Variants in RINL observed in about 807,000 individuals in gnomAD.
RINL encodes the protein Ras and Rab interactor like.
RINL carries 39 observed loss-of-function variants against 58.1 expected under a neutral mutation model. The ratio of observed to expected loss-of-function variants is 0.67; its 90% confidence interval spans 0.52 to 0.88. The LOEUF is 0.88. Among genes scored for constraint, RINL ranks in the 40% least tolerant of loss-of-function variants. The pLI is 0.00. For missense variants in RINL, 711 were observed against 749.2 expected (o/e 0.95, Z 0.60); for synonymous variants, 286 against 323.1 (o/e 0.89, Z 1.23).
Position 38,873,952 on chromosome 19 carries a change from G to C in RINL, c.247C>G (p.Leu83Val). Residue 83 changes from leucine (L) to valine (V), a missense_variant, in exon 4 of 12, where the codon CTG (leucine) becomes GTG (valine). Transcript: ENST00000591812. ...LVTGRDPSQA[L>V]VLRSGPLPGE... is the part of the protein sequence containing the mutation. Reference sequence around the variant, plus strand: ...GGTAAAGGTCCTGACCTCAACACCAGGGCCTGGCTGGGGTCACGTCCTGTG... The same window carrying C: ...GGTAAAGGTCCTGACCTCAACACCACGGCCTGGCTGGGGTCACGTCCTGTG... 6.5e-7 allele frequency: 1 copy of C among 1,535,876 alleles called. No individual in the cohort carries two copies.
At position 38,876,059 on chromosome 19, in the gene RINL, A is replaced by AT. The variant is rs5828019; in HGVS notation, c.210+271dup. On this transcript the variant is annotated intron_variant, in intron 3 of 11. Transcript: ENST00000591812. ...AGGATCCAGAGCTTCTTGAAATTAC[A>AT]TTTTTTTTTTTTTTTTTTTAGACAG... Among the ~76,000 whole-genome samples the AT allele has an allele frequency of 3.6e-3, 499 of 138,562 alleles. 3 individuals carry two copies. Among genetic ancestry groups the AT allele is most frequent in the African/African-American group, 8.3e-3 (308 of 37,086 alleles). The allele number at this position is 138,562 out of a possible 152,430, so 90.9% of individuals were successfully genotyped here. A position where few individuals can be genotyped will look rare whatever the true frequency, so the allele number is the denominator to read the frequency against.
chr19:38,871,494 T>G (rs762633168), intron 6 of RINL, 153 bp downstream of exon 6: 233 of 742,568 alleles, frequency 3.1e-4, no homozygotes, highest in Non-Finnish European at 6.1e-5. Flanking sequence ...CTCCTCCCTC[T>G]GGGACTACAA....
rs367928512 is a variant in RINL at position 38,872,133 on chromosome 19, C to A, written c.314-263G>T. ...ACAGTTATCAAAAGGCAGACAAGTT[C>A]ACTGCCTTCCTGTAGCTTACCTTTT... On this transcript the variant is annotated intron_variant, in intron 4 of 11. Transcript: ENST00000591812. Among the ~76,000 whole-genome samples, 38 of 152,244 alleles carry A rather than the reference C, an allele frequency of 2.5e-4. 1 individual carries two copies. The highest frequency in any genetic ancestry group is 9.1e-4 in the African/African-American group (38 of 41,554).
At chr19:38,874,517 G>A (rs1430309890) in intron 3 of RINL, among the ~76,000 whole-genome samples, 3 of 152,128 alleles carry the variant, frequency 2.0e-5, no homozygotes, top group Admixed American at 6.5e-5. Context: ...CAAGTGATCC[G>A]CTCTTCTCAG....
Position 38,871,182 on chromosome 19 carries a change from A to T in RINL, c.497T>A (p.Val166Glu). 6.2e-7 allele frequency: 1 copy of T among 1,613,936 alleles called. No homozygotes were observed. Among genetic ancestry groups the T allele is most frequent in the Non-Finnish European group, 8.5e-7 (1 of 1,179,962 alleles). The change falls in exon 7 of 12, where the codon GTG (valine) becomes GAG (glutamate). Residue 166 changes from valine (V) to glutamate (E), a missense_variant. By Grantham distance (121) the Val-to-Glu change is moderately radical (BLOSUM62 -2). Coordinates refer to ENST00000591812, the MANE Select transcript of RINL (RefSeq NM_001195833.2). ...GTAGAGCTGGTTCACAATGGAAAGCACCTTCCCTGGGGTGTCCTGTTGGAC... is the reference window on the plus strand; with the variant it reads ...GTAGAGCTGGTTCACAATGGAAAGCTCCTTCCCTGGGGTGTCCTGTTGGAC... ...GRVQQDTPGK[V>E]LSIVNQLYLE...
chr19:38,870,650 T>C lies in RINL; in HGVS notation c.944A>G (p.Asp315Gly). 6.2e-7 allele frequency: 1 copy of C among 1,613,606 alleles called. No individual in the cohort carries two copies. Among genetic ancestry groups the C allele is most frequent in the East Asian group, 2.2e-5 (1 of 44,856 alleles). ...DVRHLLTDLQ[D>G]HLAKDSYIRA... is the part of the protein sequence containing the mutation. ...GATGTAGGAGTCCTTTGCCAGGTGATCCTGGAGGTCAGTAAGGAGGTGCCG... is the reference window on the plus strand; with the variant it reads ...GATGTAGGAGTCCTTTGCCAGGTGACCCTGGAGGTCAGTAAGGAGGTGCCG... Residue 315 changes from aspartate to glycine, a missense_variant, in exon 8 of 12, where the codon GAT becomes GGT. Transcript: ENST00000591812. This position sits in a 1 kb window ranked among gnomAD's most constrained non-coding sequence, Gnocchi z 5.8.
chr19:38,871,156 G>A lies in RINL; in HGVS notation c.523C>T (p.Leu175=). The change falls in exon 7 of 12, where the codon CTG becomes TTG. Residue 175 remains leucine (L), a synonymous_variant. Coordinates refer to ENST00000591812, the MANE Select transcript of RINL (RefSeq NM_001195833.2). ...CTCCCCCAGCCTCTGTGGGTCTCCA[G>A]GTAGAGCTGGTTCACAATGGAAAGC... ...KVLSIVNQLY[L]ETHRGWGREQ... 1 of 1,614,028 alleles carries A rather than the reference G, an allele frequency of 6.2e-7. No individual in the cohort carries two copies. Among genetic ancestry groups the A allele is most frequent in the Non-Finnish European group, 8.5e-7 (1 of 1,179,948 alleles).
rs1555730738 is a variant in RINL, at chr19:38,870,198, T to C, written c.1087A>G (p.Thr363Ala). 4.3e-6 allele frequency: 6 copies of C among 1,393,850 alleles called. No homozygotes were observed. Among genetic ancestry groups the C allele is most frequent in the Admixed American group, 3.5e-5 (1 of 28,538 alleles). The allele number at this position is 1,393,850 out of a possible 1,614,324, so 86.3% of individuals were successfully genotyped here. A position where few individuals can be genotyped will look rare whatever the true frequency, so the allele number is the denominator to read the frequency against. Residue 363 changes from threonine (T) to alanine (A), a missense_variant, in exon 9 of 12, where the codon ACA becomes GCA. By Grantham distance (58) the Thr-to-Ala change is moderately conservative. Coordinates refer to ENST00000591812, the MANE Select transcript of RINL (RefSeq NM_001195833.2). This position sits in a 1 kb window ranked among gnomAD's most constrained non-coding sequence, Gnocchi z 5.8. ...VLAPLKPALW[T>A]RLRTLRAPEL... ...GGTGCTCGGAGTGTGCGGAGTCGTG[T>C]CCACAGGGCCGGCTTCAGGGGCGCC...
At chr19:38,875,397 C>T (rs868343377) in intron 3 of RINL, among the ~76,000 whole-genome samples, 8 of 151,436 alleles carry the variant, frequency 5.3e-5, no homozygotes, top group South Asian at 2.1e-4. Context: ...TTATTTTGGC[C>T]GGGGACGGTG....
In RINL at chr19:38,870,305, C is replaced by A; in HGVS notation, c.1025-45G>T. ...GGTGAGCACAGGACCGCCAAGTTGT[C>A]CCACGCCCACCCACGCGCTCCAACA... On this transcript the variant is annotated intron_variant, in intron 8 of 11. Coordinates refer to ENST00000591812, the MANE Select transcript of RINL (RefSeq NM_001195833.2). This position sits in a 1 kb window ranked among gnomAD's most constrained non-coding sequence, Gnocchi z 5.8. 1 of 1,325,626 alleles carries A rather than the reference C, an allele frequency of 7.5e-7. No homozygotes were observed. The highest frequency in any genetic ancestry group is 1.6e-5 in the South Asian group (1 of 61,546). The allele number at this position is 1,325,626 out of a possible 1,614,324, so 82.1% of individuals were successfully genotyped here.
chr19:38,876,059 A>ATTTTTT (rs5828019), intron 3 of RINL, among the ~76,000 whole-genome samples: 1 of 138,584 alleles, frequency 7.2e-6, no homozygotes, highest in African/African-American at 2.7e-5. Flanking sequence ...TTGAAATTAC[A>ATTTTTT]TTTTTTTTTT....
In RINL at chr19:38,869,267, T is replaced by C; in HGVS notation, c.1618A>G (p.Lys540Glu). Residue 540 changes from lysine (K) to glutamate (E), a missense_variant, in exon 11 of 12, where the codon AAG becomes GAG. Transcript: ENST00000591812. The surrounding 1 kb of genome is among the most constrained non-coding windows in gnomAD (Gnocchi z 5.7). ...QWHRRRTLHR[K>E]DHPRAQANLP... ...GTCACCTGGGCTCTGGGATGATCCT[T>C]TCTGTGCAGCGTCCGCCTGCGGTGC... The C allele has an allele frequency of 6.2e-7, 1 of 1,614,090 alleles. No individual in the cohort carries two copies.
chr19:38,871,017 C>T (rs1237226671), intron 7 of RINL, 25 bp from the exon 8 acceptor site: 8 of 1,582,074 alleles, frequency 5.1e-6, no homozygotes, highest in East Asian at 2.2e-5. Flanking sequence ...GGCATTCGGT[C>T]GCCTAGAACA....
At position 38,869,671 on chromosome 19, in the gene RINL, A is replaced by G. The variant is rs147778742; in HGVS notation, c.1376T>C (p.Leu459Pro). ...PLGADAFLPA[L>P]TEELIWSPDI... ...CGGGCTCCAGATGAGTTCCTCGGTC[A>G]GCGCCGGCAGGAAGGCGTCGGCCCC... The change falls in exon 10 of 12, where the codon CTG (leucine) becomes CCG (proline). Residue 459 changes from leucine (L) to proline (P), a missense_variant. Physicochemically the swap from Leu to Pro is moderately conservative, Grantham distance 98. Transcript: ENST00000591812. This position sits in a 1 kb window ranked among gnomAD's most constrained non-coding sequence, Gnocchi z 5.7. 2.5e-6 allele frequency: 4 copies of G among 1,613,784 alleles called. No individual in the cohort carries two copies. The highest frequency in any genetic ancestry group is 2.7e-5 in the African/African-American group (2 of 74,880).
chr19:38,874,358 C>T (rs916770082), intron 3 of RINL, among the ~76,000 whole-genome samples: 5 of 152,020 alleles, frequency 3.3e-5, no homozygotes, highest in African/African-American at 7.2e-5. Context: ...CTGCAACCTC[C>T]GCCTCCCGGG....
intron 4 of RINL, among the ~76,000 whole-genome samples, chr19:38,872,258 G>A (rs1972831747): frequency 6.6e-6 from 1 of 152,116 alleles, no homozygotes; most frequent in South Asian, 2.1e-4. Flanking sequence ...AGCCGAGGTG[G>A]GTGAATCACC....
Position 38,869,976 on chromosome 19 carries a change from C to G in RINL, c.1309G>C (p.Val437Leu). The change falls in exon 9 of 12, where the codon GTC becomes CTC. Residue 437 changes from valine (V) to leucine (L), a missense_variant. Physicochemically the swap from Val to Leu is conservative, Grantham distance 32. Coordinates refer to ENST00000591812, the MANE Select transcript of RINL (RefSeq NM_001195833.2). This position sits in a 1 kb window ranked among gnomAD's most constrained non-coding sequence, Gnocchi z 5.7. The stretch of plus-strand genomic sequence containing the variant: ...TCGCCTCGAGCCAGGCCCGCATAGA[C>G]ATCTCTGCACACCTCCAAGAGGAGC... ...VALLLEVCRDVYAGLARGENQ... is the reference protein window; with the variant it reads ...VALLLEVCRDLYAGLARGENQ... 6.3e-7 allele frequency: 1 copy of G among 1,599,464 alleles called. No homozygotes were observed. Among genetic ancestry groups the G allele is most frequent in the Admixed American group, 1.7e-5 (1 of 58,136 alleles).
Position 38,870,455 on chromosome 19 carries a change from G to T in RINL, c.1024+115C>A. 8.0e-7 allele frequency: 1 copy of T among 1,255,710 alleles called. No individual in the cohort carries two copies. The highest frequency in any genetic ancestry group is 1.1e-6 in the Non-Finnish European group (1 of 932,300). The allele number at this position is 1,255,710 out of a possible 1,614,324, so 77.8% of individuals were successfully genotyped here. A position where few individuals can be genotyped will look rare whatever the true frequency, so the allele number is the denominator to read the frequency against. On this transcript the variant is annotated intron_variant, in intron 8 of 11. Transcript: ENST00000591812. The surrounding 1 kb of genome is among the most constrained non-coding windows in gnomAD (Gnocchi z 5.8). ...TGCGCGCATACGTGGGCGATAGAAC[G>T]CGTGGGATGTGTAGGAAGGGCGTGT...
chr19:38,874,009 C>T (rs1202033286), intron 3 of RINL, 21 bp from the exon 4 acceptor site: 1 of 1,428,072 alleles, frequency 7.0e-7, no homozygotes, highest in African/African-American at 1.4e-5. Flanking sequence ...GAGACAAAGG[C>T]CAGCGTGACA....
Sources: gnomAD v4.1 joint callset for allele counts (sites outside exome capture counted in the v4.1 genomes callset) on GRCh38, gnomAD v4.1.1 for gene constraint, Gnocchi (gnomAD v3.1) non-coding constraint, MANE v1.5 for transcripts, NCBI Gene and HGNC (gene_info 2026-07-23, HGNC 2026-07-21) for gene names.